The following NR2C1 variants were observed in gnomAD, a reference collection of about 807,000 sequenced individuals.
The protein encoded by NR2C1 is TR2 nuclear hormone receptor.
In NR2C1, 33 loss-of-function variants were observed where a neutral mutation model predicts 74.8. The observed-to-expected ratio is 0.44, with a 90% confidence interval of 0.33 to 0.59. NR2C1 has a LOEUF of 0.59. Ranked by LOEUF, NR2C1 falls within the 20% of genes least tolerant of loss-of-function variation. NR2C1 has a pLI of 0.02. For missense variants in NR2C1, 568 were observed against 715.6 expected (o/e 0.79, Z 2.35); for synonymous variants, 225 against 240.6 (o/e 0.94, Z 0.60).
At chr12:95,026,637 A>G (rs1016338091) in intron 12 of NR2C1, among the ~76,000 whole-genome samples, 1 of 152,218 alleles carries the variant, frequency 6.6e-6, no homozygotes, top group Non-Finnish European at 1.5e-5. Context: ...GAATAGAGAC[A>G]TACGTTACTA....
rs1266402306 is a variant in NR2C1 at position 95,028,459 on chromosome 12, T to C, written c.1459A>G (p.Asn487Asp). The change falls in exon 12 of 14, where the codon AAC becomes GAC. Residue 487 changes from asparagine to aspartate, a missense_variant. Physicochemically the swap from Asn to Asp is conservative, Grantham distance 23. Around this residue, in one of 6 missense-constraint regions of NR2C1, gnomAD observed 117 missense variants for 186.7 expected, o/e 0.63. Transcript: ENST00000333003. ...TCAATGCAGAGTTTAACCATGCTGTTACAAAACTCCTGTAGTTTGAAGATG... is the reference window on the plus strand; with the variant it reads ...TCAATGCAGAGTTTAACCATGCTGTCACAAAACTCCTGTAGTTTGAAGATG... ...EHIFKLQEFCNSMVKLCIDGY... is the reference protein window; with the variant it reads ...EHIFKLQEFCDSMVKLCIDGY... 1.2e-6 allele frequency: 2 copies of C among 1,601,056 alleles called. No homozygotes were observed. Among genetic ancestry groups the C allele is most frequent in the African/African-American group, 2.7e-5 (2 of 74,594 alleles).
intron 12 of NR2C1, among the ~76,000 whole-genome samples, chr12:95,026,272 T>C (rs966061963): frequency 2.0e-5 from 3 of 152,004 alleles, no homozygotes; most frequent in Non-Finnish European, 4.4e-5. Flanking sequence ...TGCCATATTT[T>C]TCTAAGTCAA....
At chr12:95,061,962 T>G (rs537235093) in intron 3 of NR2C1, among the ~76,000 whole-genome samples, 1 of 152,334 alleles carries the variant, frequency 6.6e-6, no homozygotes, top group Non-Finnish European at 1.5e-5. Flanking sequence ...CTGCACTGCT[T>G]GCTATTTCAT....
intron 9 of NR2C1, among the ~76,000 whole-genome samples, chr12:95,048,718 G>A (rs1292118415): frequency 3.4e-5 from 5 of 146,488 alleles, no homozygotes; most frequent in East Asian, 2.1e-4. Context: ...TCCGCCTCCC[G>A]AGTTCAATCG....
At chr12:95,045,581 G>A (rs1272025764) in intron 9 of NR2C1, among the ~76,000 whole-genome samples, 1 of 152,184 alleles carries the variant, frequency 6.6e-6, no homozygotes, top group South Asian at 2.1e-4. Context: ...AATGAGAAGA[G>A]TGAGGCTTAG....
chr12:95,032,288 CAA>C (rs1870223631), intron 10 of NR2C1, among the ~76,000 whole-genome samples: 2 of 152,220 alleles, frequency 1.3e-5, no homozygotes, highest in South Asian at 2.1e-4. Flanking sequence ...CTATGAATAA[CAA>C]GAGATTAGAA....
chr12:95,060,096 T>C lies in NR2C1; in HGVS notation c.286-112A>G, dbSNP rs570571469. ...CATTCAGTTGGTCTTGCTTTGTTGC[T>C]TTCTTTTTCACAAGTTATTTTTAAA... On this transcript the variant is annotated intron_variant, in intron 3 of 13. Transcript: ENST00000333003. The C allele has an allele frequency of 1.3e-4, 113 of 845,352 alleles. No homozygotes were observed. In the East Asian group the frequency reaches 3.1e-3, roughly 23 times the overall value. 52.4% of individuals were successfully genotyped at this position (845,352 alleles called of 1,614,324 possible).
intron 4 of NR2C1, 74 bp downstream of exon 4, chr12:95,059,832 G>GTTAT: frequency 9.8e-7 from 1 of 1,021,116 alleles, no homozygotes; most frequent in Admixed American, 2.5e-5. Flanking sequence ...TAGTGTGGTA[G>GTTAT]TTATTTCAAC....
intron 1 of NR2C1, among the ~76,000 whole-genome samples, chr12:95,067,640 T>C (rs1374087074): frequency 2.6e-5 from 4 of 151,770 alleles, no homozygotes; most frequent in Admixed American, 2.6e-4. Context: ...CACGGCTCAC[T>C]GCAGTCTCAA....
chr12:95,030,254 A>C (rs968353085), intron 11 of NR2C1, among the ~76,000 whole-genome samples: 2 of 152,252 alleles, frequency 1.3e-5, no homozygotes, highest in Non-Finnish European at 1.5e-5. Context: ...CTAAAAGTAC[A>C]TAAGACTCAA....
rs144886260 is a variant in NR2C1 at position 95,040,739 on chromosome 12, C to T, written c.1132-142G>A. ...AAGCTAATCTTGAAATAATCCAAGT[C>T]ACTAGAATTTACAGCTAACAGGGCT... On this transcript the variant is annotated intron_variant, in intron 9 of 13. Coordinates refer to ENST00000333003, the MANE Select transcript of NR2C1 (RefSeq NM_003297.4). 54 of 753,242 alleles carry T rather than the reference C, an allele frequency of 7.2e-5. No individual in the cohort carries two copies. In the East Asian group the frequency reaches 1.6e-3, roughly 22 times the overall value. The allele number at this position is 753,242 out of a possible 1,614,324, so 46.7% of individuals were successfully genotyped here.
chr12:95,056,583 A>C (rs1278839079), intron 7 of NR2C1, among the ~76,000 whole-genome samples: 1 of 152,202 alleles, frequency 6.6e-6, no homozygotes, highest in Non-Finnish European at 1.5e-5. Flanking sequence ...TTTTACCTGA[A>C]ATATTTTAAG....
chr12:95,028,357 A>AT (rs771138135), intron 12 of NR2C1, 30 bp downstream of exon 12: 1 of 1,577,266 alleles, frequency 6.3e-7, no homozygotes, highest in African/African-American at 1.4e-5. Flanking sequence ...GAAACATTTT[A>AT]TTTTGAATAA....
chr12:95,071,131 G>A (rs1876532947), intron 1 of NR2C1, among the ~76,000 whole-genome samples: 1 of 151,938 alleles, frequency 6.6e-6, no homozygotes, highest in African/African-American at 2.4e-5. Context: ...AACCTGGGAG[G>A]TGGAGGCTGC....
intron 1 of NR2C1, among the ~76,000 whole-genome samples, chr12:95,070,359 T>C (rs931097111): frequency 2.0e-5 from 3 of 152,108 alleles, no homozygotes; most frequent in Admixed American, 6.5e-5. Context: ...CTCGAATTCT[T>C]GATCTCAAGT....
At chr12:95,055,885 G>C (rs1049945517) in intron 7 of NR2C1, among the ~76,000 whole-genome samples, 1 of 148,854 alleles carries the variant, frequency 6.7e-6, no homozygotes, top group African/African-American at 2.5e-5. Flanking sequence ...CCCAGGAGGC[G>C]GAGGCTGCAG....
At chr12:95,067,737 A>AT (rs1326858069) in intron 1 of NR2C1, among the ~76,000 whole-genome samples, 1 of 151,440 alleles carries the variant, frequency 6.6e-6, no homozygotes, top group Non-Finnish European at 1.5e-5. Flanking sequence ...CTAATTTTTT[A>AT]TTTTTTGTAC....
intron 2 of NR2C1, chr12:95,067,119 G>A: frequency 1.8e-6 from 1 of 559,900 alleles, no homozygotes; most frequent in Non-Finnish European, 3.1e-6. Flanking sequence ...TTTCTTCTGT[G>A]CTCCCATTGC....
intron 1 of NR2C1, among the ~76,000 whole-genome samples, chr12:95,071,691 T>C (rs186463894): frequency 6.6e-6 from 1 of 151,270 alleles, no homozygotes; most frequent in South Asian, 2.1e-4. Context: ...AAACCTTTCC[T>C]AGAAGAAACT....
Sources: allele counts gnomAD v4.1 joint callset (sites outside exome capture counted in the v4.1 genomes callset), GRCh38; gene constraint gnomAD v4.1.1; regional missense constraint gnomAD v4.1.1; transcripts MANE v1.5; gene names NCBI Gene and HGNC (gene_info 2026-07-23, HGNC 2026-07-21).